The following JMY variants were observed in gnomAD, a reference collection of about 807,000 sequenced individuals.
JMY encodes the protein junction-mediating and -regulatory protein.
Under a neutral mutation model 103.3 loss-of-function variants are expected in JMY, and 46 were observed. The ratio of observed to expected loss-of-function variants is 0.45; its 90% CI spans 0.35 to 0.57. The LOEUF is 0.57. JMY is among the 20% of genes least tolerant of loss of function. JMY has a pLI of 0.00. For missense variants in JMY, 1,238 were observed against 1,255.2 expected (o/e 0.99, Z 0.21); for synonymous variants, 526 against 489.3 (o/e 1.07, Z -0.99).
chr5:79,282,159 A>G (rs1746136788), intron 2 of JMY, among the ~76,000 whole-genome samples: 1 of 152,186 alleles, frequency 6.6e-6, no homozygotes, highest in Non-Finnish European at 1.5e-5. Flanking sequence ...GTGAGCCGAG[A>G]TCATGCCACT....
intron 1 of JMY, among the ~76,000 whole-genome samples, chr5:79,240,090 A>T (rs557357654): frequency 1.3e-5 from 2 of 151,112 alleles, no homozygotes; most frequent in East Asian, 3.9e-4. Flanking sequence ...ATCTTGGCTC[A>T]CTGCAACCTC....
chr5:79,272,502 CTTCTT>C (rs1249341950), intron 1 of JMY, among the ~76,000 whole-genome samples: 1 of 151,612 alleles, frequency 6.6e-6, no homozygotes, highest in East Asian at 1.9e-4. Context: ...TTTTTCTCCT[CTTCTT>C]TTCCTGATTT....
At chr5:79,315,714 C>A (rs560442508) in intron 9 of JMY, among the ~76,000 whole-genome samples, 3 of 152,188 alleles carry the variant, frequency 2.0e-5, no homozygotes, top group African/African-American at 7.2e-5. Context: ...ACCCATAATA[C>A]TACTAAGACC....
In JMY at chr5:79,276,096, GTTCTT is replaced by G. The variant is rs1251758488; in HGVS notation, c.1033-1810_1033-1806del. Among the ~76,000 whole-genome samples, 4 of 152,104 alleles carry G rather than the reference GTTCTT, an allele frequency of 2.6e-5. No individual in the cohort carries two copies. In the East Asian group the frequency reaches 7.7e-4, roughly 29 times the overall value. ...ATATAAATTACTGTCTTCTGTATTA[GTTCTT>G]TTCATTTGTTATTTTTATGTATTTA... On this transcript the variant is annotated intron_variant, in intron 1 of 10. Coordinates refer to ENST00000396137, the MANE Select transcript of JMY (RefSeq NM_152405.5).
chr5:79,310,313 G>A (rs973036813), intron 7 of JMY, among the ~76,000 whole-genome samples: 1 of 151,756 alleles, frequency 6.6e-6, no homozygotes, highest in Admixed American at 6.6e-5. Context: ...TGCCCGCCTC[G>A]CCTTCCCAAA....
intron 1 of JMY, among the ~76,000 whole-genome samples, chr5:79,261,618 C>A (rs1157291560): frequency 6.6e-6 from 1 of 152,086 alleles, no homozygotes; most frequent in African/African-American, 2.4e-5. Flanking sequence ...TTTTCCCTAA[C>A]CCCCCTTACA....
At chr5:79,272,639 C>T (rs556520757) in intron 1 of JMY, among the ~76,000 whole-genome samples, 1 of 152,248 alleles carries the variant, frequency 6.6e-6, no homozygotes, top group East Asian at 1.9e-4. Context: ...TGTACCACTT[C>T]ATCTCTTTTT....
intron 1 of JMY, among the ~76,000 whole-genome samples, chr5:79,270,712 A>T (rs1745757937): frequency 1.4e-5 from 2 of 147,042 alleles, no homozygotes; most frequent in African/African-American, 4.9e-5. Flanking sequence ...TTATATATTT[A>T]TTATTATAAA....
intron 1 of JMY, among the ~76,000 whole-genome samples, chr5:79,273,445 CTT>C (rs1745842814): frequency 6.6e-6 from 1 of 152,146 alleles, no homozygotes; most frequent in Non-Finnish European, 1.5e-5. Context: ...AGGAATTTCT[CTT>C]TTATTTTTGA....
At chr5:79,283,378 T>G (rs1361491319) in intron 2 of JMY, among the ~76,000 whole-genome samples, 1 of 152,226 alleles carries the variant, frequency 6.6e-6, no homozygotes, top group African/African-American at 2.4e-5. Flanking sequence ...ATGAAGAGCT[T>G]GATTTCCAAT....
intron 1 of JMY, among the ~76,000 whole-genome samples, chr5:79,271,068 A>T (rs1745769881): frequency 6.6e-6 from 1 of 151,956 alleles, no homozygotes; most frequent in African/African-American, 2.4e-5. Context: ...GGGAGATGTC[A>T]GTCTGTAGTT....
In JMY at chr5:79,236,731, C is replaced by A; in HGVS notation, c.81C>A (p.His27Gln). The A allele has an allele frequency of 6.6e-7, 1 of 1,505,964 alleles. No individual in the cohort carries two copies. The highest frequency in any genetic ancestry group is 8.9e-7 in the Non-Finnish European group (1 of 1,124,992). 93.3% of individuals were successfully genotyped at this position (1,505,964 alleles called of 1,614,324 possible). The change falls in exon 1 of 11, where the codon CAC becomes CAA. Residue 27 changes from histidine to glutamine, a missense_variant. Physicochemically the swap from His to Gln is conservative, Grantham distance 24 (BLOSUM62 0). Coordinates refer to ENST00000396137, the MANE Select transcript of JMY (RefSeq NM_152405.5). ...ATGTGTTCGACGAGCGCGAGAAACA[C>A]AAATTCGTCTTTATTGTGGCCTGGA... ...RPHVFDEREK[H>Q]KFVFIVAWNE... is the part of the protein sequence containing the mutation.
chr5:79,282,033 G>T (rs1746131717), intron 2 of JMY, among the ~76,000 whole-genome samples: 1 of 151,932 alleles, frequency 6.6e-6, no homozygotes, highest in African/African-American at 2.4e-5. Flanking sequence ...GTGAAACCCT[G>T]TCTCTACTAA....
At chr5:79,285,409 C>T (rs1252941007) in intron 2 of JMY, among the ~76,000 whole-genome samples, 1 of 152,144 alleles carries the variant, frequency 6.6e-6, no homozygotes, top group South Asian at 2.1e-4. Flanking sequence ...ATCCCCTTGG[C>T]TGGGTGCTAT....
At chr5:79,285,924 A>G (rs1211398002) in intron 2 of JMY, among the ~76,000 whole-genome samples, 3 of 151,808 alleles carry the variant, frequency 2.0e-5, no homozygotes, top group Admixed American at 1.3e-4. Flanking sequence ...GGTAATTTGT[A>G]TTTATAAACT....
chr5:79,241,428 A>T (rs1382581089), intron 1 of JMY, among the ~76,000 whole-genome samples: 1 of 152,246 alleles, frequency 6.6e-6, no homozygotes, highest in Admixed American at 6.5e-5. Flanking sequence ...TTATAAATTG[A>T]TAAGTGTAAA....
In JMY at chr5:79,316,205, T is replaced by G; in HGVS notation, c.2865T>G (p.Pro955=). Residue 955 remains proline (P), a synonymous_variant, in exon 10 of 11, where the codon CCT becomes CCG. Transcript: ENST00000396137. ...TCACACTTCTACCCGATACAGACCCTCTAACACGGAGCATCCATGAAGCTC... is the reference window on the plus strand; with the variant it reads ...TCACACTTCTACCCGATACAGACCCGCTAACACGGAGCATCCATGAAGCTC... The part of the protein sequence containing the change: ...ESFTLLPDTD[P]LTRSIHEALR... The G allele has an allele frequency of 6.2e-7, 1 of 1,614,090 alleles. No individual in the cohort carries two copies. Among genetic ancestry groups the G allele is most frequent in the Non-Finnish European group, 8.5e-7 (1 of 1,179,960 alleles).
At chr5:79,271,218 G>C (rs1745775130) in intron 1 of JMY, among the ~76,000 whole-genome samples, 1 of 150,472 alleles carries the variant, frequency 6.6e-6, no homozygotes, top group Non-Finnish European at 1.5e-5. Flanking sequence ...AATTTTAGTA[G>C]AGAGAGTCTC....
chr5:79,270,312 A>T (rs1229387591), intron 1 of JMY, among the ~76,000 whole-genome samples: 1 of 144,832 alleles, frequency 6.9e-6, no homozygotes, highest in Non-Finnish European at 1.5e-5. Context: ...AAATATTTAA[A>T]ATATATATTT....
Sources: allele counts gnomAD v4.1 joint callset (sites outside exome capture counted in the v4.1 genomes callset), GRCh38; gene constraint gnomAD v4.1.1; transcripts MANE v1.5; gene names NCBI Gene and HGNC (gene_info 2026-07-23, HGNC 2026-07-21).